IARS1: variants seen among roughly 807,000 people sequenced by gnomAD.
IARS1 encodes isoleucine--tRNA ligase, cytoplasmic.
A neutral mutation model predicts 168.2 loss-of-function variants in IARS1; 124 were observed. That is an observed-to-expected ratio of 0.74 (90% CI 0.64 to 0.86). IARS1 has a LOEUF of 0.86. IARS1 is among the 40% of genes least tolerant of loss of function. The probability of loss-of-function intolerance (pLI) is 0.00; values close to 1 mark genes in which losing one functional copy is unlikely to be tolerated. For missense variants in IARS1, 1,452 were observed against 1,515.8 expected (o/e 0.96, Z 0.70); for synonymous variants, 532 against 529.4 (o/e 1.00, Z -0.07).
chr9:92,228,862 G>GC (rs1826171231), intron 31 of IARS1, 139 bp downstream of exon 31: 1 of 854,622 alleles, frequency 1.2e-6, no homozygotes, highest in African/African-American at 1.7e-5. Context: ...CTGCAGGCAG[G>GC]CACTGCTGAA....
At chr9:92,273,711 GA>G (rs1182402262) in intron 10 of IARS1, among the ~76,000 whole-genome samples, 29 of 152,218 alleles carry the variant, frequency 1.9e-4, no homozygotes, top group Admixed American at 1.9e-3. Flanking sequence ...AAAAATCCCA[GA>G]GATTAAGCAT....
At chr9:92,270,095 C>T (rs1287778401) in intron 12 of IARS1, 112 bp from the exon 13 acceptor site, 7 of 612,764 alleles carry the variant, frequency 1.1e-5, no homozygotes, top group Middle Eastern at 2.6e-4. Context: ...TGGCCTTCTG[C>T]TAATATTCAT....
intron 2 of IARS1, 70 bp downstream of exon 2, chr9:92,289,231 T>C (rs1835935559): frequency 1.8e-6 from 1 of 567,238 alleles, no homozygotes; most frequent in African/African-American, 2.1e-5. Context: ...AAAAAAAGTA[T>C]CTGCTTTAAT....
At chr9:92,217,567 C>T (rs1469795236) in intron 33 of IARS1, among the ~76,000 whole-genome samples, 3,865 of 148,996 alleles carry the variant, frequency 0.026, 87 homozygotes, top group South Asian at 0.062. Context: ...ATCAAATAGA[C>T]GCAATACAAA....
chr9:92,224,491 C>A (rs996905947), intron 31 of IARS1, among the ~76,000 whole-genome samples: 42 of 152,238 alleles, frequency 2.8e-4, no homozygotes, highest in African/African-American at 9.6e-4. Flanking sequence ...GAAGTTAGGG[C>A]AAGAGGTATG....
chr9:92,215,528 A>T (rs1306445988), intron 33 of IARS1, among the ~76,000 whole-genome samples: 2 of 151,900 alleles, frequency 1.3e-5, no homozygotes, highest in African/African-American at 2.4e-5. Flanking sequence ...CTTTGAAAAA[A>T]ATTTAGAAGA....
At chr9:92,256,517 A>G (rs1294691907) in intron 20 of IARS1, 163 bp downstream of exon 20, 2 of 668,210 alleles carry the variant, frequency 3.0e-6, no homozygotes, top group African/African-American at 3.6e-5. Context: ...TGAAACAAAG[A>G]TATCACGACA....
chr9:92,244,986 C>T lies in IARS1; in HGVS notation c.2877G>A (p.Ala959=), dbSNP rs139380974. ...GAGCATCTGAGTGTGCTTCAAATTG[C>T]GCAGTCCCACCTGTGGCCTGATCAA... The part of the protein sequence containing the change: ...YTFDQATGGT[A]QFEAHSDAQA... Residue 959 remains alanine, a synonymous_variant, in exon 27 of 34, where the codon GCG becomes GCA. Coordinates refer to ENST00000443024, the MANE Select transcript of IARS1 (RefSeq NM_002161.6). The T allele has an allele frequency of 2.2e-4, 356 of 1,613,830 alleles. No individual in the cohort carries two copies. Among genetic ancestry groups the T allele is most frequent in the Non-Finnish European group, 2.7e-4 (317 of 1,179,892 alleles).
intron 33 of IARS1, among the ~76,000 whole-genome samples, chr9:92,215,631 G>A (rs1412151109): frequency 6.6e-6 from 1 of 152,064 alleles, no homozygotes; most frequent in African/African-American, 2.4e-5. Flanking sequence ...GAATGCAGAA[G>A]CCTCAGGAGC....
chr9:92,262,716 T>C (rs540904943), intron 17 of IARS1, among the ~76,000 whole-genome samples: 38 of 152,350 alleles, frequency 2.5e-4, no homozygotes, highest in African/African-American at 8.9e-4. Context: ...TTTCATAAAG[T>C]GCTAAGTTTA....
At position 92,223,462 on chromosome 9, in the gene IARS1, C is replaced by G; in HGVS notation, c.3437G>C (p.Ser1146Thr). 2 of 1,613,090 alleles carry G rather than the reference C, an allele frequency of 1.2e-6. No individual in the cohort carries two copies. The highest frequency in any genetic ancestry group is 1.7e-6 in the Non-Finnish European group (2 of 1,179,634). Reference sequence around the variant, plus strand: ...CACACAAAGTGTTTTTCCACTAAGACTCAGTAAGTCAGTTTGGTTTTGTAT... The same window carrying G: ...CACACAAAGTGTTTTTCCACTAAGAGTCAGTAAGTCAGTTTGGTTTTGTAT... ...TEIQNQTDLL[S>T]LSGKTLCVTA... The change falls in exon 32 of 34, where the codon AGT (serine) becomes ACT (threonine). Residue 1146 changes from serine (S) to threonine (T), a missense_variant. Physicochemically the swap from Ser to Thr is moderately conservative, Grantham distance 58. Coordinates refer to ENST00000443024, the MANE Select transcript of IARS1 (RefSeq NM_002161.6).
intron 30 of IARS1, among the ~76,000 whole-genome samples, chr9:92,233,362 G>T (rs144951095): frequency 1.4e-3 from 217 of 152,256 alleles, no homozygotes; most frequent in African/African-American, 5.2e-3. Context: ...TTAAAGTCTT[G>T]TCATCCAACG....
chr9:92,271,705 G>A (rs767352595), intron 10 of IARS1, 50 bp from the exon 11 acceptor site: 26 of 1,587,384 alleles, frequency 1.6e-5, no homozygotes, highest in African/African-American at 2.7e-5. Context: ...ATGTATGGGT[G>A]TGAGCATGAG....
intron 32 of IARS1, 122 bp from the exon 33 acceptor site, chr9:92,222,794 G>A (rs1839860924): frequency 1.2e-6 from 1 of 804,626 alleles, no homozygotes; most frequent in Non-Finnish European, 1.9e-6. Flanking sequence ...CCAGGAGCGT[G>A]AGTGTGACCG....
In IARS1 at chr9:92,286,560, T is replaced by C. The variant is rs758194744; in HGVS notation, c.455A>G (p.Tyr152Cys). 6 of 1,593,484 alleles carry C rather than the reference T, an allele frequency of 3.8e-6. No individual in the cohort carries two copies. The African/African-American group carries it at 8.0e-5, about 21-fold the overall frequency. Residue 152 changes from tyrosine to cysteine, a missense_variant, in exon 5 of 34, where the codon TAT becomes TGT. Transcript: ENST00000443024. ...IDFDNDYKTL[Y>C]PQFMESVWWV... ...CCAGACTGATTCCATGAATTGTGGA[T>C]ACAGAGTTTTATAGTCATTGTCAAA... is the stretch of plus-strand genomic sequence containing the variant.
At chr9:92,259,937 C>T (rs1025068942) in intron 18 of IARS1, among the ~76,000 whole-genome samples, 6 of 152,140 alleles carry the variant, frequency 3.9e-5, no homozygotes, top group Non-Finnish European at 7.4e-5. Context: ...TCCTCTTCCT[C>T]AAACAGACCT....
At chr9:92,225,855 G>C (rs912399863) in intron 31 of IARS1, among the ~76,000 whole-genome samples, 6 of 152,350 alleles carry the variant, frequency 3.9e-5, no homozygotes, top group Admixed American at 6.5e-5. Context: ...GGCTTTCTCA[G>C]GTTGCTGTGA....
intron 32 of IARS1, 22 bp downstream of exon 32, chr9:92,223,324 C>T (rs1429306317): frequency 1.9e-6 from 3 of 1,587,914 alleles, no homozygotes; most frequent in South Asian, 1.1e-5. Flanking sequence ...CCACAGTCTG[C>T]CTGCTGTGGG....
intron 1 of IARS1, among the ~76,000 whole-genome samples, chr9:92,293,286 A>G (rs888505589): frequency 2.6e-5 from 4 of 151,882 alleles, no homozygotes; most frequent in African/African-American, 9.7e-5. Flanking sequence ...ACTGAAGTAA[A>G]TTACGGTACA....
Sources: gnomAD v4.1 joint callset for allele counts (sites outside exome capture counted in the v4.1 genomes callset) on GRCh38, gnomAD v4.1.1 for gene constraint, MANE v1.5 for transcripts, NCBI Gene and HGNC (gene_info 2026-07-23, HGNC 2026-07-21) for gene names.